Variants in ANTXR1 observed in about 807,000 individuals in gnomAD.
ANTXR1 encodes the protein anthrax toxin receptor 1.
In ANTXR1, 19 loss-of-function variants were observed where a neutral mutation model predicts 78.1. The ratio of observed to expected loss-of-function variants is 0.24; its 90% CI spans 0.17 to 0.36. ANTXR1 has a LOEUF of 0.36. Ranked by LOEUF, ANTXR1 falls within the 10% of genes least tolerant of loss-of-function variation. The pLI is 1.00. For synonymous variants in ANTXR1, 273 were observed against 260.5 expected, an observed-to-expected ratio of 1.05 and a Z score of -0.46; for missense variants, 518 against 718.6, an observed-to-expected ratio of 0.72 and a Z score of 3.19.
chr2:69,049,346 T>C (rs1669865770), intron 3 of ANTXR1, among the ~76,000 whole-genome samples: 1 of 152,196 alleles, frequency 6.6e-6, no homozygotes, highest in Admixed American at 6.6e-5. Flanking sequence ...AGTCTTGCTC[T>C]GTCACCCAGG....
chr2:69,106,254 A>T (rs188099607), intron 10 of ANTXR1, among the ~76,000 whole-genome samples: 28 of 152,358 alleles, frequency 1.8e-4, no homozygotes, highest in Admixed American at 1.4e-3. Context: ...GCATTTGCTT[A>T]AAAAATCAAC....
At chr2:69,203,884 A>G (rs1674833470) in intron 17 of ANTXR1, among the ~76,000 whole-genome samples, 1 of 152,162 alleles carries the variant, frequency 6.6e-6, no homozygotes, top group African/African-American at 2.4e-5. Flanking sequence ...TCAGGTTGCA[A>G]ATAGCAAACA....
At chr2:69,229,941 G>C (rs1675548358) in intron 17 of ANTXR1, among the ~76,000 whole-genome samples, 1 of 152,010 alleles carries the variant, frequency 6.6e-6, no homozygotes, top group African/African-American at 2.4e-5. Context: ...GCAAAGTTAA[G>C]AAACAATATT....
At chr2:69,051,312 C>A (rs1042021283) in intron 3 of ANTXR1, among the ~76,000 whole-genome samples, 2 of 151,568 alleles carry the variant, frequency 1.3e-5, no homozygotes, top group African/African-American at 4.8e-5. Context: ...TACTTTATTT[C>A]TTTCTAAATA....
chr2:69,136,805 G>A (rs2104407389), intron 12 of ANTXR1, among the ~76,000 whole-genome samples: 1 of 152,294 alleles, frequency 6.6e-6, no homozygotes, highest in Admixed American at 6.5e-5. Context: ...GATAAATGGA[G>A]AGGTAACAAA....
chr2:69,113,711 C>T (rs533788867), intron 10 of ANTXR1, among the ~76,000 whole-genome samples: 13 of 152,316 alleles, frequency 8.5e-5, no homozygotes, highest in Middle Eastern at 3.4e-3. Flanking sequence ...GTTCCAATTC[C>T]AAAGGTAAAA....
intron 16 of ANTXR1, among the ~76,000 whole-genome samples, chr2:69,183,375 A>G (rs1428611639): frequency 1.3e-5 from 2 of 151,910 alleles, no homozygotes; most frequent in Admixed American, 6.6e-5. Context: ...GAGGCAGTTA[A>G]TGTTTCCTAA....
At chr2:69,194,764 A>G (rs1674627563) in intron 17 of ANTXR1, among the ~76,000 whole-genome samples, 1 of 152,180 alleles carries the variant, frequency 6.6e-6, no homozygotes, top group South Asian at 2.1e-4. Flanking sequence ...GAAGCAGGAG[A>G]ATTGCTTGAA....
intron 12 of ANTXR1, among the ~76,000 whole-genome samples, chr2:69,133,050 G>T (rs1203433383): frequency 6.6e-6 from 1 of 152,192 alleles, no homozygotes; most frequent in Non-Finnish European, 1.5e-5. Context: ...GCTCTGAGGA[G>T]TGTCCACTTC....
intron 10 of ANTXR1, chr2:69,103,765 A>T (rs1369923580): frequency 6.4e-6 from 1 of 155,750 alleles, no homozygotes; most frequent in Non-Finnish European, 1.5e-5. Context: ...TTTATTCCAC[A>T]TCTGCAGTGA....
At chr2:69,193,095 C>T (rs1032047063) in intron 16 of ANTXR1, among the ~76,000 whole-genome samples, 1 of 152,142 alleles carries the variant, frequency 6.6e-6, no homozygotes, top group Non-Finnish European at 1.5e-5. Flanking sequence ...GGGGGGCACT[C>T]AAACCTCAGG....
intron 13 of ANTXR1, among the ~76,000 whole-genome samples, chr2:69,169,173 C>A (rs1673908642): frequency 6.6e-6 from 1 of 152,254 alleles, no homozygotes; most frequent in African/African-American, 2.4e-5. Flanking sequence ...GGCTCCCCGA[C>A]TGGAGGAAGA....
chr2:69,033,373 C>T, intron 1 of ANTXR1, among the ~76,000 whole-genome samples: 1 of 152,186 alleles, frequency 6.6e-6, no homozygotes, highest in Admixed American at 6.5e-5. Flanking sequence ...GAGGACAGGG[C>T]AAGGCTAGGA....
intron 10 of ANTXR1, among the ~76,000 whole-genome samples, chr2:69,108,434 A>G (rs995589783): frequency 2.0e-5 from 3 of 152,232 alleles, no homozygotes; most frequent in Non-Finnish European, 4.4e-5. Context: ...AAAATATCAC[A>G]AGAAAAATAT....
chr2:69,178,170 G>A (rs374887263), intron 14 of ANTXR1, among the ~76,000 whole-genome samples: 2 of 152,156 alleles, frequency 1.3e-5, no homozygotes, highest in African/African-American at 4.8e-5. Context: ...CTTGCTGAGG[G>A]GCTGGGATTC....
chr2:69,143,057 C>A (rs1424289234), intron 12 of ANTXR1, among the ~76,000 whole-genome samples: 1 of 152,152 alleles, frequency 6.6e-6, no homozygotes, highest in Non-Finnish European at 1.5e-5. Context: ...CAATGAAGAG[C>A]TATTAAAAAG....
At chr2:69,170,029 C>T (rs1423340128) in intron 13 of ANTXR1, among the ~76,000 whole-genome samples, 3 of 152,192 alleles carry the variant, frequency 2.0e-5, no homozygotes, top group African/African-American at 2.4e-5. Flanking sequence ...CCAGAAGAGA[C>T]GCAAATGAGA....
In ANTXR1 at chr2:69,166,246, G is replaced by A. The variant is rs528294658; in HGVS notation, c.1048-4002G>A. Reference sequence around the variant, plus strand: ...ACTTTCCTTTATCTATGCAATGATCGTCATCAAATCTGACCCTACCTCATG... The same window carrying A: ...ACTTTCCTTTATCTATGCAATGATCATCATCAAATCTGACCCTACCTCATG... On this transcript the variant is annotated intron_variant, in intron 13 of 17. Coordinates refer to ENST00000303714, the MANE Select transcript of ANTXR1 (RefSeq NM_032208.3). Among the ~76,000 whole-genome samples the A allele has an allele frequency of 1.6e-4, 25 of 152,252 alleles. No individual in the cohort carries two copies. The South Asian group carries it at 2.7e-3, about 16-fold the overall frequency.
At chr2:69,029,397 A>C (rs1671458622) in intron 1 of ANTXR1, among the ~76,000 whole-genome samples, 2 of 150,882 alleles carry the variant, frequency 1.3e-5, no homozygotes, top group Admixed American at 1.3e-4. Context: ...AATAATAATA[A>C]AGGAAGATAA....
Sources: allele counts gnomAD v4.1 joint callset (sites outside exome capture counted in the v4.1 genomes callset), GRCh38; gene constraint gnomAD v4.1.1; transcripts MANE v1.5; gene names NCBI Gene and HGNC (gene_info 2026-07-23, HGNC 2026-07-21).